SETD1B: variants seen among roughly 807,000 people sequenced by gnomAD.
The protein encoded by SETD1B is histone-lysine N-methyltransferase SETD1B.
SETD1B carries 7 observed loss-of-function variants against 148.0 expected under a neutral mutation model. The ratio of observed to expected loss-of-function variants is 0.05; its 90% CI spans 0.03 to 0.09. The LOEUF (loss-of-function observed/expected upper bound fraction) is 0.09. Among genes scored for constraint, SETD1B ranks in the 10% least tolerant of loss-of-function variants. SETD1B has a pLI of 1.00. For synonymous variants in SETD1B, 1,361 were observed against 1,186.5 expected, an observed-to-expected ratio of 1.15 and a Z score of -3.02; for missense variants, 2,155 against 2,729.9, an observed-to-expected ratio of 0.79 and a Z score of 4.69.
chr12:121,827,424 C>G, intron 13 of SETD1B, 95 bp from the exon 14 acceptor site: 3 of 1,421,962 alleles, frequency 2.1e-6, no homozygotes, highest in Non-Finnish European at 1.8e-6. Flanking sequence ...GAGCAAGGAG[C>G]CCAGGACACT....
At chr12:121,793,207 C>T in the SETD1B span, 12 of 1,550,928 alleles carry the variant, frequency 7.7e-6, no homozygotes, top group South Asian at 4.8e-5. Flanking sequence ...TCACGCTGGC[C>T]GTGTACTTCT....
chr12:121,813,659 A>C lies in SETD1B; in HGVS notation c.1891-447A>C, dbSNP rs190094671. Among the ~76,000 whole-genome samples, 13 of 152,310 alleles carry C rather than the reference A, an allele frequency of 8.5e-5. No individual in the cohort carries two copies. The South Asian group carries it at 1.0e-3, about 12-fold the overall frequency. On this transcript the variant is annotated intron_variant, in intron 6 of 16. Transcript: ENST00000604567. Reference sequence around the variant, plus strand: ...ATGGAAGTGGCAACTATTTCTGCACACAAGTTGCAACAGAATCTCTGAAAT... The same window carrying C: ...ATGGAAGTGGCAACTATTTCTGCACCCAAGTTGCAACAGAATCTCTGAAAT...
chr12:121,813,964 C>G (rs376257461), intron 6 of SETD1B, 142 bp from the exon 7 acceptor site: 2 of 629,388 alleles, frequency 3.2e-6, no homozygotes, highest in African/African-American at 3.8e-5. Flanking sequence ...CAAATGAAGA[C>G]GCTGAGGCTT....
chr12:121,790,569 T>TGGCA, the SETD1B span, among the ~76,000 whole-genome samples: 7 of 152,244 alleles, frequency 4.6e-5, no homozygotes, highest in East Asian at 1.2e-3. Flanking sequence ...CTCTCCCTGG[T>TGGCA]GGCACTCACT....
chr12:121,791,776 G>A, the SETD1B span, among the ~76,000 whole-genome samples: 4 of 152,236 alleles, frequency 2.6e-5, no homozygotes, highest in East Asian at 5.8e-4. Flanking sequence ...GATGGCAGAG[G>A]AGGAGGAAAG....
In SETD1B at chr12:121,819,720, G is replaced by A. The variant is rs1366581654; in HGVS notation, c.3735G>A (p.Glu1245=). 1 of 1,551,208 alleles carries A rather than the reference G, an allele frequency of 6.4e-7. No individual in the cohort carries two copies. ...DIETEAVAPE[E]RPSMLDEPPL... ...AGACTGAGGCTGTGGCCCCTGAGGA[G>A]CGGCCCTCCATGCTGGACGAGCCCC... Residue 1245 remains glutamate, a synonymous_variant, in exon 11 of 17, where the codon GAG becomes GAA. Coordinates refer to ENST00000604567, the MANE Select transcript of SETD1B (RefSeq NM_001353345.2).
At chr12:121,818,043 G>T in intron 10 of SETD1B, 139 bp downstream of exon 10, 1 of 798,458 alleles carries the variant, frequency 1.3e-6, no homozygotes. Flanking sequence ...ACACACACAG[G>T]GTGGCGTACG....
Position 121,805,100 on chromosome 12 carries a change from C to A in SETD1B, c.175-18C>A. On this transcript the variant is annotated intron_variant, in intron 2 of 16. Coordinates refer to ENST00000604567, the MANE Select transcript of SETD1B (RefSeq NM_001353345.2). This position sits in a 1 kb window ranked among gnomAD's most constrained non-coding sequence, Gnocchi z 4.2. ...GGGACCAGTTCTCTCATCCCGGCCC[C>A]CCAATTTCTCCCCACAGATGTCCAG... is the stretch of plus-strand genomic sequence containing the variant. 6.5e-7 allele frequency: 1 copy of A among 1,549,960 alleles called. No individual in the cohort carries two copies. The highest frequency in any genetic ancestry group is 2.4e-5 in the East Asian group (1 of 40,902).
intron 4 of SETD1B, among the ~76,000 whole-genome samples, chr12:121,806,862 C>G (rs115334969): frequency 6.6e-6 from 1 of 152,192 alleles, no homozygotes; most frequent in Admixed American, 6.5e-5. Flanking sequence ...GACCAAGGGG[C>G]TTGGAGGACT....
In SETD1B at chr12:121,814,306, C is replaced by A. The variant is rs1592980643; in HGVS notation, c.2091C>A (p.Pro697=). The change falls in exon 7 of 17, where the codon CCC becomes CCA. Residue 697 remains proline (P), a synonymous_variant. Coordinates refer to ENST00000604567, the MANE Select transcript of SETD1B (RefSeq NM_001353345.2). ...CGCTGCCCCCCCCACCACCACCACC[C>A]CCACCGCAGCCTGGCTTCCCCATGC... The part of the protein sequence containing the change: ...FPPLPPPPPP[P]PPQPGFPMPP... 1.7e-6 allele frequency: 2 copies of A among 1,201,540 alleles called. No homozygotes were observed. The highest frequency in any genetic ancestry group is 2.8e-5 in the East Asian group (1 of 36,308). 74.4% of individuals were successfully genotyped at this position (1,201,540 alleles called of 1,614,324 possible).
In SETD1B at chr12:121,804,137, C is replaced by T. The variant is rs1398910345; in HGVS notation, c.-111C>T. The T allele has an allele frequency of 2.0e-5, 3 of 150,702 alleles. No individual in the cohort carries two copies. Among genetic ancestry groups the T allele is most frequent in the Non-Finnish European group, 4.4e-5 (3 of 67,686 alleles). 9.3% of individuals were successfully genotyped at this position (150,702 alleles called of 1,614,324 possible). On this transcript the variant is annotated 5_prime_UTR_variant, in exon 1 of 17. Coordinates refer to ENST00000604567, the MANE Select transcript of SETD1B (RefSeq NM_001353345.2). This position sits in a 1 kb window ranked among gnomAD's most constrained non-coding sequence, Gnocchi z 4.6. ...CGGCAGCCGCGGCGGCGGCGCCCCC[C>T]CTTCCTGGCCCCCGGTCCGGCCGCC...
chr12:121,800,501 A>G (rs979814662), upstream of SETD1B: 2 of 151,530 alleles, frequency 1.3e-5, no homozygotes, highest in African/African-American at 2.4e-5. Context: ...AGCCGGTGGG[A>G]CCCGGGGCGG....
In SETD1B at chr12:121,808,079, A is replaced by G; in HGVS notation, c.545-129A>G. ...TGCAGAGGGGTGGGAACTCAGGGCC[A>G]CACAGCCTCCCTAGGACTGGGGTCT... On this transcript the variant is annotated intron_variant, in intron 4 of 16. Transcript: ENST00000604567. This position sits in a 1 kb window ranked among gnomAD's most constrained non-coding sequence, Gnocchi z 5.3. The G allele has an allele frequency of 1.5e-6, 1 of 663,356 alleles. No individual in the cohort carries two copies. The highest frequency in any genetic ancestry group is 2.6e-6 in the Non-Finnish European group (1 of 381,900). The allele number at this position is 663,356 out of a possible 1,614,324, so 41.1% of individuals were successfully genotyped here. A position where few individuals can be genotyped will look rare whatever the true frequency, so the allele number is the denominator to read the frequency against.
intron 12 of SETD1B, 127 bp downstream of exon 12, chr12:121,823,876 G>GTCACT: frequency 1.5e-6 from 2 of 1,301,888 alleles, no homozygotes; most frequent in Non-Finnish European, 2.0e-6. Flanking sequence ...ATGCACCACC[G>GTCACT]TCACTTCCCA....
Position 121,805,458 on chromosome 12 carries a change from GC to G in SETD1B, c.273+243del, listed in dbSNP as rs898758158. Among the ~76,000 whole-genome samples, 5 of 152,138 alleles carry G rather than the reference GC, an allele frequency of 3.3e-5. No individual in the cohort carries two copies. Among genetic ancestry groups the G allele is most frequent in the Non-Finnish European group, 7.4e-5 (5 of 68,022 alleles). On this transcript the variant is annotated intron_variant, in intron 3 of 16. Coordinates refer to ENST00000604567, the MANE Select transcript of SETD1B (RefSeq NM_001353345.2). The surrounding 1 kb of genome is among the most constrained non-coding windows in gnomAD (Gnocchi z 4.2). ...CAGTGTCCTGCACGCCCCGCGGGGG[GC>G]TCGGCTCCGAGACTCTCCCCTCTCG... is the stretch of plus-strand genomic sequence containing the variant.
At position 121,817,060 on chromosome 12, in the gene SETD1B, G is replaced by A. The variant is rs997723280; in HGVS notation, c.2743G>A (p.Glu915Lys). 7.2e-6 allele frequency: 11 copies of A among 1,534,958 alleles called. No individual in the cohort carries two copies. In the Admixed American group the frequency reaches 1.0e-4, roughly 14 times the overall value. ...KASLTPVKSG[E>K]HKDEDRPKPK... ...CTCGCTGACCCCGGTGAAGTCGGGC[G>A]AGCACAAGGACGAGGACAGGCCGAA... Residue 915 changes from glutamate (E) to lysine (K), a missense_variant, in exon 8 of 17, where the codon GAG becomes AAG. Transcript: ENST00000604567. This position sits in a 1 kb window ranked among gnomAD's most constrained non-coding sequence, Gnocchi z 8.1.
Position 121,827,760 on chromosome 12 carries a change from G to A in SETD1B, c.5495G>A (p.Cys1832Tyr). The A allele has an allele frequency of 6.4e-7, 1 of 1,552,316 alleles. No individual in the cohort carries two copies. Among genetic ancestry groups the A allele is most frequent in the African/African-American group, 1.4e-5 (1 of 73,212 alleles). ...TTCCGGAAGAAAAAGCTCAAGTTCTGCAAGAGCCACATTCACGACTGGGGC... is the reference window on the plus strand; with the variant it reads ...TTCCGGAAGAAAAAGCTCAAGTTCTACAAGAGCCACATTCACGACTGGGGC... ...LKFRKKKLKFCKSHIHDWGLF... is the reference protein window; with the variant it reads ...LKFRKKKLKFYKSHIHDWGLF... Residue 1832 changes from cysteine to tyrosine, a missense_variant, in exon 15 of 17, where the codon TGC becomes TAC. Cys to Tyr is a radical substitution (Grantham distance 194). Coordinates refer to ENST00000604567, the MANE Select transcript of SETD1B (RefSeq NM_001353345.2).
In SETD1B at chr12:121,806,059, C is replaced by G; in HGVS notation, c.498C>G (p.Ser166Arg). 6.4e-7 allele frequency: 1 copy of G among 1,551,700 alleles called. No homozygotes were observed. Among genetic ancestry groups the G allele is most frequent in the Non-Finnish European group, 8.7e-7 (1 of 1,146,994 alleles). ...AGGATGCCGTTCAGCACTTGCACAGCACTTCCGTCATGGGCAACATTATCC... is the reference window on the plus strand; with the variant it reads ...AGGATGCCGTTCAGCACTTGCACAGGACTTCCGTCATGGGCAACATTATCC... ...GAKDAVQHLH[S>R]TSVMGNIIHV... The change falls in exon 4 of 17, where the codon AGC becomes AGG. Residue 166 changes from serine to arginine, a missense_variant. Transcript: ENST00000604567.
the SETD1B span, chr12:121,793,882 T>G: frequency 1.3e-4 from 49 of 378,498 alleles, no homozygotes; most frequent in African/African-American, 1.0e-3. Flanking sequence ...CGAGCAAAGC[T>G]CCCACCCCCA....
Sources: gnomAD v4.1 joint callset for allele counts (sites outside exome capture counted in the v4.1 genomes callset) on GRCh38, gnomAD v4.1.1 for gene constraint, Gnocchi (gnomAD v3.1) non-coding constraint, MANE v1.5 for transcripts, NCBI Gene and HGNC (gene_info 2026-07-23, HGNC 2026-07-21) for gene names.